RALA: variants seen among roughly 807,000 people sequenced by gnomAD.
RALA encodes RAS like proto-oncogene A.
Under a neutral mutation model 24.0 loss-of-function variants are expected in RALA, and 5 were observed. The observed-to-expected ratio is 0.21, with a 90% CI of 0.11 to 0.44. RALA has a LOEUF of 0.44. Among genes scored for constraint, RALA ranks in the 20% least tolerant of loss-of-function variants. The pLI, the probability that RALA is intolerant of heterozygous loss-of-function variation, is 0.99. For synonymous variants in RALA, 77 were observed against 83.8 expected (o/e 0.92, Z 0.44); for missense variants, 95 against 241.2 (o/e 0.39, Z 4.01).
chr7:39,638,446 C>T (rs1242567698), intron 1 of RALA, among the ~76,000 whole-genome samples: 1 of 152,042 alleles, frequency 6.6e-6, no homozygotes, highest in African/African-American at 2.4e-5. Flanking sequence ...GTCAGTAGTT[C>T]TTTTTTGTTG....
At chr7:39,683,896 T>C (rs937160294) in intron 1 of RALA, among the ~76,000 whole-genome samples, 13 of 151,994 alleles carry the variant, frequency 8.6e-5, no homozygotes, top group African/African-American at 3.1e-4. Flanking sequence ...TTAATTGATA[T>C]GGTAATGCCC....
intron 4 of RALA, 116 bp from the exon 5 acceptor site, chr7:39,706,007 C>T (rs939066129): frequency 1.4e-5 from 13 of 924,340 alleles, no homozygotes; most frequent in Non-Finnish European, 2.1e-5. Flanking sequence ...TACTCCCAAA[C>T]AAGAGCTCTT....
rs117769337 is a variant in RALA at position 39,685,545 on chromosome 7, G to A, written c.-37-1086G>A. 3.1e-3 allele frequency among the ~76,000 whole-genome samples: 475 copies of A among 152,224 alleles called. 1 individual carries two copies. The highest frequency in any genetic ancestry group is 6.0e-3 in the Admixed American group (92 of 15,292). ...TCAGAGTGTTTGTTGTGGCCTCACAGGATTTTTTCTAAGGCCAAGTCAGCA... is the reference window on the plus strand; with the variant it reads ...TCAGAGTGTTTGTTGTGGCCTCACAAGATTTTTTCTAAGGCCAAGTCAGCA... On this transcript the variant is annotated intron_variant, in intron 1 of 4. Transcript: ENST00000005257.
chr7:39,631,807 T>C (rs1407276059), intron 1 of RALA, among the ~76,000 whole-genome samples: 1 of 152,230 alleles, frequency 6.6e-6, no homozygotes, highest in African/African-American at 2.4e-5. Flanking sequence ...AAGTTGACTA[T>C]GTTAGCCTCT....
At chr7:39,691,148 A>G (rs569960630) in intron 3 of RALA, among the ~76,000 whole-genome samples, 1 of 152,218 alleles carries the variant, frequency 6.6e-6, no homozygotes, top group South Asian at 2.1e-4. Flanking sequence ...GTTATATAAT[A>G]TTTTTTATTA....
chr7:39,665,376 A>G (rs185511691), intron 1 of RALA, among the ~76,000 whole-genome samples: 4,510 of 152,206 alleles, frequency 0.03, 97 homozygotes, highest in Middle Eastern at 0.092. Flanking sequence ...TATATAATAC[A>G]TATAACATAT....
intron 1 of RALA, among the ~76,000 whole-genome samples, chr7:39,662,822 C>T (rs117810342): frequency 0.1 from 15,728 of 152,162 alleles, 1,061 homozygotes; most frequent in Non-Finnish European, 0.15. Flanking sequence ...GGTATCTTTA[C>T]GACAGCACCC....
intron 1 of RALA, among the ~76,000 whole-genome samples, chr7:39,624,921 C>T (rs965503560): frequency 3.9e-5 from 6 of 152,148 alleles, no homozygotes; most frequent in African/African-American, 7.2e-5. Flanking sequence ...CTTATTAGCT[C>T]ATGTTTTTCT....
chr7:39,677,339 A>C (rs1371092430), intron 1 of RALA, among the ~76,000 whole-genome samples: 1 of 150,272 alleles, frequency 6.7e-6, no homozygotes, highest in African/African-American at 2.5e-5. Context: ...TTTACTGAGA[A>C]TGATGGTTTC....
At chr7:39,643,339 A>G (rs1021659507) in intron 1 of RALA, among the ~76,000 whole-genome samples, 1 of 152,206 alleles carries the variant, frequency 6.6e-6, no homozygotes, top group African/African-American at 2.4e-5. Flanking sequence ...TTTATTTCCA[A>G]ACAATTTTTA....
intron 4 of RALA, among the ~76,000 whole-genome samples, chr7:39,699,121 A>ACTTTTTTTTTTTTT (rs1792971546): frequency 1.6e-5 from 1 of 61,372 alleles, no homozygotes; most frequent in African/African-American, 5.4e-5. Context: ...TAAAAATGTT[A>ACTTTTTTTTTTTTT]TTTTTTTTTT....
chr7:39,680,712 A>T (rs778818033), intron 1 of RALA, among the ~76,000 whole-genome samples: 1 of 151,734 alleles, frequency 6.6e-6, no homozygotes, highest in Non-Finnish European at 1.5e-5. Context: ...TCCAACTTTT[A>T]TTTTTTTCCA....
intron 1 of RALA, among the ~76,000 whole-genome samples, chr7:39,655,023 A>G (rs186432129): frequency 1.4e-3 from 212 of 152,360 alleles, no homozygotes; most frequent in African/African-American, 5.0e-3. Flanking sequence ...TGCTGGGATT[A>G]TAGTCATGAG....
chr7:39,685,275 A>G (rs1003565386), intron 1 of RALA, among the ~76,000 whole-genome samples: 3 of 152,262 alleles, frequency 2.0e-5, no homozygotes, highest in African/African-American at 7.2e-5. Flanking sequence ...AGGAAGCTGC[A>G]TGGCAAAGGC....
At chr7:39,690,289 C>G in intron 2 of RALA, 93 bp from the exon 3 acceptor site, 2 of 1,053,140 alleles carry the variant, frequency 1.9e-6, no homozygotes, top group South Asian at 1.6e-5. Flanking sequence ...TCTTCTTGTA[C>G]TATTTTGGCA....
chr7:39,641,277 A>C (rs1398088079), intron 1 of RALA, among the ~76,000 whole-genome samples: 1 of 152,224 alleles, frequency 6.6e-6, no homozygotes, highest in Non-Finnish European at 1.5e-5. Flanking sequence ...TTGAAAACTC[A>C]TATTTATTTT....
rs966097850 is a variant in RALA, at chr7:39,675,540, T to A, written c.-37-11091T>A. Among the ~76,000 whole-genome samples the A allele has an allele frequency of 2.0e-5, 3 of 152,090 alleles. No individual in the cohort carries two copies. In the East Asian group the frequency reaches 5.8e-4, roughly 29 times the overall value. On this transcript the variant is annotated intron_variant, in intron 1 of 4. Coordinates refer to ENST00000005257, the MANE Select transcript of RALA (RefSeq NM_005402.4). The stretch of plus-strand genomic sequence containing the variant: ...CGAGCCCAGGCGTTCAAGACCAGCC[T>A]GGGCAACACAGACCCTGTCTCTACA...
At chr7:39,660,562 G>T (rs2115993784) in intron 1 of RALA, among the ~76,000 whole-genome samples, 1 of 151,728 alleles carries the variant, frequency 6.6e-6, no homozygotes, top group African/African-American at 2.4e-5. Context: ...TGATTATATT[G>T]ATTTTCTTAT....
chr7:39,638,151 T>C (rs1431155586), intron 1 of RALA, among the ~76,000 whole-genome samples: 1 of 152,028 alleles, frequency 6.6e-6, no homozygotes, highest in African/African-American at 2.4e-5. Flanking sequence ...TAGGCTGGAG[T>C]GCAATGGTGT....
Sources: allele counts gnomAD v4.1 joint callset (sites outside exome capture counted in the v4.1 genomes callset), GRCh38; gene constraint gnomAD v4.1.1; transcripts MANE v1.5; gene names NCBI Gene and HGNC (gene_info 2026-07-23, HGNC 2026-07-21).